DAB1: variants seen among roughly 807,000 people sequenced by gnomAD.
The protein encoded by DAB1 is DAB adaptor protein 1.
In DAB1, 15 loss-of-function variants were observed where a neutral mutation model predicts 64.6. The ratio of observed to expected loss-of-function variants is 0.23; its 90% CI spans 0.16 to 0.36. DAB1 has a LOEUF of 0.36. Among genes scored for constraint, DAB1 ranks in the 10% least tolerant of loss-of-function variants. DAB1 has a pLI of 1.00. For missense variants in DAB1, 596 were observed against 706.7 expected, an observed-to-expected ratio of 0.84 and a Z score of 1.78; for synonymous variants, 235 against 251.9, an observed-to-expected ratio of 0.93 and a Z score of 0.64.
intron 3 of DAB1, 79 bp from the exon 4 acceptor site, chr1:57,136,720 A>C: frequency 1.2e-6 from 1 of 826,946 alleles, no homozygotes; most frequent in Non-Finnish European, 1.8e-6. Flanking sequence ...TATGTCCGAT[A>C]CCATCAACCA....
At chr1:57,796,253 C>T (rs979168183) in intron 6 of DAB1, among the ~76,000 whole-genome samples, 2 of 152,048 alleles carry the variant, frequency 1.3e-5, no homozygotes, top group Non-Finnish European at 2.9e-5. Flanking sequence ...CCTGGCTGGG[C>T]GCGGTGGCTC....
intron 5 of DAB1, among the ~76,000 whole-genome samples, chr1:58,040,023 A>G (rs548563085): frequency 1.2e-4 from 18 of 152,318 alleles, no homozygotes; most frequent in African/African-American, 4.3e-4. Flanking sequence ...CACACGTAGA[A>G]TAAGGGGTGG....
intron 7 of DAB1, among the ~76,000 whole-genome samples, chr1:57,610,605 A>T (rs887813965): frequency 2.6e-5 from 4 of 152,204 alleles, no homozygotes; most frequent in Admixed American, 2.0e-4. Context: ...AAAGAGGTTT[A>T]ATTGACTCAC....
In DAB1 at chr1:57,608,094, A is replaced by G. The variant is rs369975194; in HGVS notation, n.625+41498T>C. The stretch of plus-strand genomic sequence containing the variant: ...GCACATACCCAGAAAAAATCTCTAT[A>G]CTCTAGGCTACACCTCCCACCCCCT... On this transcript the variant is annotated intron_variant and non_coding_transcript_variant, in intron 7 of 20. Coordinates refer to the DAB1 transcript ENST00000485760. Among the ~76,000 whole-genome samples, 465 of 152,094 alleles carry G rather than the reference A, an allele frequency of 3.1e-3. 3 individuals are homozygous for G. Among genetic ancestry groups the G allele is most frequent in the African/African-American group, 0.011 (446 of 41,488 alleles).
chr1:57,155,087 G>A (rs763926497), intron 2 of DAB1, among the ~76,000 whole-genome samples: 7 of 152,112 alleles, frequency 4.6e-5, no homozygotes, highest in Non-Finnish European at 7.4e-5. Flanking sequence ...GGTTACTGCC[G>A]AAGAAATTTT....
At chr1:57,834,583 A>C (rs1180408083) in intron 1 of DAB1, among the ~76,000 whole-genome samples, 1 of 151,890 alleles carries the variant, frequency 6.6e-6, no homozygotes, top group Non-Finnish European at 1.5e-5. Context: ...ATATATGCAC[A>C]CAGTTTTTTA....
intron 3 of DAB1, among the ~76,000 whole-genome samples, chr1:58,414,429 C>T (rs116620339): frequency 0.033 from 5,089 of 152,294 alleles, 104 homozygotes; most frequent in African/African-American, 0.063. Flanking sequence ...CTGTTTTATT[C>T]TGTGTGTCTC....
At chr1:58,242,405 A>G (rs551233353) in intron 4 of DAB1, among the ~76,000 whole-genome samples, 1 of 152,210 alleles carries the variant, frequency 6.6e-6, no homozygotes, top group East Asian at 1.9e-4. Flanking sequence ...GATATCCCGG[A>G]TAAAAAGTAA....
chr1:58,048,822 A>G (rs752341980), intron 5 of DAB1: 43 of 1,059,600 alleles, frequency 4.1e-5, no homozygotes, highest in Non-Finnish European at 5.8e-5. Flanking sequence ...TATCCACGGA[A>G]TCATGGTTGT....
At chr1:57,522,091 C>A (rs894171006) in intron 7 of DAB1, among the ~76,000 whole-genome samples, 5 of 151,160 alleles carry the variant, frequency 3.3e-5, no homozygotes, top group Admixed American at 6.6e-5. Context: ...GCCTGGGCGA[C>A]AGAGCGAGAC....
chr1:58,016,009 G>C (rs907400100), intron 5 of DAB1, among the ~76,000 whole-genome samples: 56 of 151,942 alleles, frequency 3.7e-4, no homozygotes, highest in Admixed American at 3.3e-3. Flanking sequence ...ACAGCCTAGG[G>C]GGGGGTAGTT....
intron 2 of DAB1, among the ~76,000 whole-genome samples, chr1:57,233,355 C>A (rs1322848717): frequency 6.9e-6 from 1 of 145,568 alleles, no homozygotes; most frequent in Admixed American, 6.9e-5. Context: ...CTCCGCCTCC[C>A]GGGTTCACGC....
At chr1:57,581,308 A>G (rs188257532) in intron 7 of DAB1, among the ~76,000 whole-genome samples, 70 of 152,360 alleles carry the variant, frequency 4.6e-4, no homozygotes, top group African/African-American at 1.7e-3. Context: ...ACAAAAAATA[A>G]AATGAGCGAC....
chr1:57,383,615 G>A (rs1338747686), intron 1 of DAB1, among the ~76,000 whole-genome samples: 20 of 152,162 alleles, frequency 1.3e-4, no homozygotes, highest in Non-Finnish European at 2.9e-4. Context: ...ACCTCACATA[G>A]AAGGTCAAAT....
chr1:57,372,794 G>A (rs1415649004), intron 1 of DAB1, among the ~76,000 whole-genome samples: 6 of 151,918 alleles, frequency 3.9e-5, no homozygotes, highest in Non-Finnish European at 8.8e-5. Flanking sequence ...TATACACATG[G>A]CCTTTAAGAT....
chr1:57,095,220 C>G (rs1654048784), intron 4 of DAB1, among the ~76,000 whole-genome samples: 1 of 152,184 alleles, frequency 6.6e-6, no homozygotes, highest in South Asian at 2.1e-4. Flanking sequence ...TCAGTGCTAT[C>G]CTTTCACAGT....
intron 3 of DAB1, among the ~76,000 whole-genome samples, chr1:58,472,736 A>G (rs1363352111): frequency 1.3e-5 from 2 of 152,234 alleles, no homozygotes; most frequent in Non-Finnish European, 2.9e-5. Context: ...CAAAAGACCG[A>G]TGAAAACCCC....
At chr1:57,005,267 T>C (rs1009228871) in intron 14 of DAB1, among the ~76,000 whole-genome samples, 2 of 152,216 alleles carry the variant, frequency 1.3e-5, no homozygotes, top group African/African-American at 4.8e-5. Context: ...GTTTTGCACA[T>C]GTACATCATC....
chr1:58,458,922 A>G (rs999397977), intron 3 of DAB1, among the ~76,000 whole-genome samples: 2 of 152,138 alleles, frequency 1.3e-5, no homozygotes, highest in Admixed American at 1.3e-4. Context: ...CAGTTTCCTC[A>G]TTATATAAGG....
Sources: allele counts gnomAD v4.1 joint callset (sites outside exome capture counted in the v4.1 genomes callset), GRCh38; gene constraint gnomAD v4.1.1; transcripts MANE v1.5; gene names NCBI Gene and HGNC (gene_info 2026-07-23, HGNC 2026-07-21).